C2orf92: variants seen among roughly 807,000 people sequenced by gnomAD.
C2orf92 encodes the protein chromosome 2 open reading frame 92.
At chr2:97,673,734 T>C (rs757828754) in intron 1 of C2orf92, among the ~76,000 whole-genome samples, 1 of 152,064 alleles carries the variant, frequency 6.6e-6, no homozygotes, top group Non-Finnish European at 1.5e-5. Flanking sequence ...TCTAGATGGC[T>C]CGGGGAGGCA....
intron 2 of C2orf92, among the ~76,000 whole-genome samples, chr2:97,675,351 A>G (rs1382454039): frequency 6.6e-6 from 1 of 152,252 alleles, no homozygotes; most frequent in Non-Finnish European, 1.5e-5. Context: ...CATAATCTCA[A>G]TAGCTTGCCC....
chr2:97,674,571 G>A lies in C2orf92; in HGVS notation c.148+14G>A, dbSNP rs145029499. 8.2e-4 allele frequency: 325 copies of A among 398,514 alleles called. 1 individual carries two copies. Among genetic ancestry groups the A allele is most frequent in the African/African-American group, 5.6e-3 (272 of 48,714 alleles). 24.7% of individuals were successfully genotyped at this position (398,514 alleles called of 1,614,324 possible). On this transcript the variant is annotated intron_variant, in intron 2 of 7. Transcript: ENST00000627399. ...ACACACAAAAAAGCAAGTATATGTC[G>A]TTAACCTGACATGTGTACATACCTC...
intron 5 of C2orf92, among the ~76,000 whole-genome samples, chr2:97,696,313 G>A (rs1676304426): frequency 6.6e-6 from 1 of 152,160 alleles, no homozygotes; most frequent in African/African-American, 2.4e-5. Flanking sequence ...GCTCACGTCT[G>A]CCAGCTGAGG....
chr2:97,668,637 C>T (rs1406856809), upstream of C2orf92: 1 of 152,300 alleles, frequency 6.6e-6, no homozygotes, highest in African/African-American at 2.4e-5. Context: ...TGTGCGGGTC[C>T]ACTTCTATGC....
intron 3 of C2orf92, among the ~76,000 whole-genome samples, chr2:97,680,819 A>G (rs949204822): frequency 2.6e-5 from 4 of 152,060 alleles, no homozygotes; most frequent in African/African-American, 7.2e-5. Context: ...CCAGCTACTC[A>G]GGAGGCTGAG....
At chr2:97,665,087 G>C (rs1231693047), upstream of C2orf92, among the ~76,000 whole-genome samples, 3 of 152,148 alleles carry the variant, frequency 2.0e-5, no homozygotes, top group Admixed American at 2.0e-4. Context: ...TTCACACTTT[G>C]GTAACCTGCC....
chr2:97,669,590 A>C, upstream of C2orf92: 1 of 386,934 alleles, frequency 2.6e-6, no homozygotes. Flanking sequence ...CAGTCACTTC[A>C]GGGCCACCAG....
upstream of C2orf92, chr2:97,663,975 G>A (rs1009919947): frequency 1.8e-4 from 156 of 865,534 alleles, no homozygotes; most frequent in Middle Eastern, 9.1e-4. Flanking sequence ...GGACGGCGGC[G>A]GCTCCCGACG....
chr2:97,685,673 C>T (rs113537081), intron 3 of C2orf92, among the ~76,000 whole-genome samples: 20,883 of 152,132 alleles, frequency 0.14, 2,352 homozygotes, highest in African/African-American at 0.31. Context: ...AGCAATTCTC[C>T]TGCCTCAGCC....
In C2orf92 at chr2:97,702,932, C is replaced by G. The variant is rs1024821263; in HGVS notation, c.*131C>G. The G allele has an allele frequency of 7.6e-6, 3 of 396,626 alleles. No homozygotes were observed. Among genetic ancestry groups the G allele is most frequent in the Non-Finnish European group, 1.3e-5 (3 of 225,244 alleles). 24.6% of individuals were successfully genotyped at this position (396,626 alleles called of 1,614,324 possible). ...TCTACAAAAACGTCTGCTTCCCATC[C>G]CAATTTGAATGGACCAAGAAAAACT... On this transcript the variant is annotated 3_prime_UTR_variant, in exon 8 of 8. Coordinates refer to ENST00000627399, the MANE Select transcript of C2orf92 (RefSeq NM_001351368.2).
At chr2:97,700,863 G>A (rs1676469940) in intron 6 of C2orf92, among the ~76,000 whole-genome samples, 1 of 152,084 alleles carries the variant, frequency 6.6e-6, no homozygotes, top group African/African-American at 2.4e-5. Flanking sequence ...CCAAGTAGCT[G>A]GGACTACAGG....
At chr2:97,695,860 T>A (rs376847880) in intron 5 of C2orf92, among the ~76,000 whole-genome samples, 22 of 152,248 alleles carry the variant, frequency 1.4e-4, no homozygotes, top group Non-Finnish European at 2.4e-4. Flanking sequence ...CAAGCAATTC[T>A]CCTGTCTCAG....
chr2:97,698,845 T>C (rs973361232), intron 5 of C2orf92, among the ~76,000 whole-genome samples, 181 bp from the exon 6 acceptor site: 2 of 152,226 alleles, frequency 1.3e-5, no homozygotes, highest in Non-Finnish European at 2.9e-5. Context: ...TTAGATTTTT[T>C]AAAAAGTAAA....
intron 2 of C2orf92, 85 bp from the exon 3 acceptor site, chr2:97,675,760 C>T: frequency 5.0e-6 from 2 of 398,654 alleles, no homozygotes; most frequent in Non-Finnish European, 8.9e-6. Flanking sequence ...ACCTCAAAAT[C>T]CCGTGCAGAA....
upstream of C2orf92, chr2:97,663,964 G>C (rs569847930): frequency 2.3e-5 from 20 of 886,120 alleles, 1 homozygote; most frequent in African/African-American, 2.2e-4. Context: ...CGGGAGGACC[G>C]GGACGGCGGC....
At chr2:97,683,073 AC>A (rs1302628390) in intron 3 of C2orf92, among the ~76,000 whole-genome samples, 2 of 85,412 alleles carry the variant, frequency 2.3e-5, no homozygotes, top group Non-Finnish European at 5.0e-5. Context: ...AACCATATAG[AC>A]TCCACACACA....
chr2:97,698,731 G>A (rs917062147), intron 5 of C2orf92, among the ~76,000 whole-genome samples: 1 of 152,140 alleles, frequency 6.6e-6, no homozygotes, highest in African/African-American at 2.4e-5. Flanking sequence ...TCTGGGGTGG[G>A]GCTTAGGAAT....
upstream of C2orf92, chr2:97,664,055 C>T (rs1675117327): frequency 6.3e-6 from 2 of 315,608 alleles, no homozygotes; most frequent in South Asian, 1.5e-4. Context: ...GGAGGGCGGG[C>T]CCGGCGGCCA....
At chr2:97,692,386 G>A (rs1385266024) in intron 5 of C2orf92, among the ~76,000 whole-genome samples, 1 of 146,896 alleles carries the variant, frequency 6.8e-6, no homozygotes, top group Non-Finnish European at 1.5e-5. Context: ...TACGTATACT[G>A]TTATAGAGAT....
Sources: allele counts gnomAD v4.1 joint callset (sites outside exome capture counted in the v4.1 genomes callset), GRCh38; gene constraint gnomAD v4.1.1; transcripts MANE v1.5; gene names NCBI Gene and HGNC (gene_info 2026-07-23, HGNC 2026-07-21).